The following LRRC69 variants were observed in gnomAD, a reference collection of about 807,000 sequenced individuals.
LRRC69 encodes leucine-rich repeat-containing protein 69.
In LRRC69, 42 loss-of-function variants were observed where a neutral mutation model predicts 37.8. That is an observed-to-expected ratio of 1.11 (90% CI 0.87 to 1.44). The LOEUF (loss-of-function observed/expected upper bound fraction) is 1.44, where lower values mean the gene tolerates loss of function less well. Ranked by LOEUF, LRRC69 falls within the 40% of genes most tolerant of loss-of-function variation. The pLI, the probability that LRRC69 is intolerant of heterozygous loss-of-function variation, is 0.00. For synonymous variants in LRRC69, 141 were observed against 143.1 expected (o/e 0.99, Z 0.11); for missense variants, 357 against 401.9 (o/e 0.89, Z 0.96).
chr8:91,200,258 A>G (rs1809689590), intron 6 of LRRC69, among the ~76,000 whole-genome samples: 1 of 152,242 alleles, frequency 6.6e-6, no homozygotes, highest in Non-Finnish European at 1.5e-5. Context: ...TTTTGAATCC[A>G]GTCTGAATGT....
intron 7 of LRRC69, among the ~76,000 whole-genome samples, chr8:91,213,944 A>G (rs1266395051): frequency 1.3e-5 from 2 of 152,158 alleles, no homozygotes; most frequent in Non-Finnish European, 2.9e-5. Flanking sequence ...AGATTAAGTA[A>G]GGGGTTTGAA....
intron 5 of LRRC69, among the ~76,000 whole-genome samples, chr8:91,147,861 A>G (rs1372177788): frequency 6.6e-6 from 1 of 151,516 alleles, no homozygotes; most frequent in African/African-American, 2.4e-5. Flanking sequence ...TTTTCTCCCC[A>G]CCTGGCCCCC....
intron 7 of LRRC69, among the ~76,000 whole-genome samples, chr8:91,215,656 A>G (rs1328238661): frequency 1.3e-5 from 2 of 152,220 alleles, no homozygotes; most frequent in Non-Finnish European, 1.5e-5. Flanking sequence ...AAATAAAAGC[A>G]TATATAATCA....
At chr8:91,181,749 A>G (rs1476595261) in intron 5 of LRRC69, among the ~76,000 whole-genome samples, 1 of 152,182 alleles carries the variant, frequency 6.6e-6, no homozygotes, top group Non-Finnish European at 1.5e-5. Flanking sequence ...TAGGAGAAAG[A>G]AGCAATTGAT....
intron 5 of LRRC69, among the ~76,000 whole-genome samples, chr8:91,184,946 G>A (rs549151553): frequency 4.5e-4 from 69 of 152,260 alleles, no homozygotes; most frequent in African/African-American, 1.6e-3. Context: ...TGAGGAGTGT[G>A]CATTTCATTT....
intron 6 of LRRC69, among the ~76,000 whole-genome samples, chr8:91,191,051 C>CG (rs1554595701): frequency 7.0e-6 from 1 of 143,024 alleles, no homozygotes; most frequent in African/African-American, 2.6e-5. Flanking sequence ...ACCCCCCCCC[C>CG]CCCAAGTCAA....
At chr8:91,102,661 C>A (rs1293761955), upstream of LRRC69, 4 of 1,548,500 alleles carry the variant, frequency 2.6e-6, no homozygotes, top group Non-Finnish European at 3.5e-6. Flanking sequence ...TTTCCAAGAT[C>A]ATGACTGAGA....
intron 5 of LRRC69, among the ~76,000 whole-genome samples, chr8:91,177,371 G>C (rs1220165266): frequency 4.6e-5 from 7 of 151,990 alleles, no homozygotes; most frequent in Non-Finnish European, 8.8e-5. Context: ...CATCTCATCT[G>C]ATTCTTAGAT....
intron 7 of LRRC69, among the ~76,000 whole-genome samples, chr8:91,203,565 G>T (rs908857239): frequency 2.5e-4 from 38 of 150,568 alleles, no homozygotes; most frequent in African/African-American, 8.3e-4. Context: ...GCTTTTTTTT[G>T]TGTGTGTATT....
At chr8:91,143,323 A>C (rs1808562282) in intron 5 of LRRC69, among the ~76,000 whole-genome samples, 1 of 152,124 alleles carries the variant, frequency 6.6e-6, no homozygotes, top group Non-Finnish European at 1.5e-5. Context: ...GTGTAGCTAA[A>C]ACATTTACAA....
chr8:91,197,455 C>T (rs536932592), intron 6 of LRRC69, among the ~76,000 whole-genome samples: 3,676 of 152,068 alleles, frequency 0.024, 72 homozygotes, highest in Non-Finnish European at 0.037. Context: ...GCTGCCGCCT[C>T]GCAGTTTGAT....
chr8:91,139,933 A>G (rs1213351017), intron 5 of LRRC69, among the ~76,000 whole-genome samples: 1 of 151,672 alleles, frequency 6.6e-6, no homozygotes, highest in Non-Finnish European at 1.5e-5. Flanking sequence ...TACTAAAAAT[A>G]CAAAATTAGC....
At chr8:91,165,553 T>C (rs1809012745) in intron 5 of LRRC69, among the ~76,000 whole-genome samples, 1 of 151,824 alleles carries the variant, frequency 6.6e-6, no homozygotes, top group African/African-American at 2.4e-5. Context: ...TAAAATAATC[T>C]GGTGGCAAGA....
At chr8:91,157,580 T>C (rs1808859614) in intron 5 of LRRC69, 2 of 1,541,260 alleles carry the variant, frequency 1.3e-6, no homozygotes, top group African/African-American at 2.7e-5. Context: ...ATCAGAATGT[T>C]TACAACTGCA....
chr8:91,194,924 A>G (rs1809568892), intron 6 of LRRC69, among the ~76,000 whole-genome samples: 1 of 151,752 alleles, frequency 6.6e-6, no homozygotes, highest in Admixed American at 6.6e-5. Flanking sequence ...TAGTTCTTTT[A>G]ATTGTGATGT....
intron 5 of LRRC69, among the ~76,000 whole-genome samples, chr8:91,179,529 G>T (rs1170910073): frequency 2.0e-5 from 3 of 152,162 alleles, no homozygotes; most frequent in African/African-American, 7.2e-5. Flanking sequence ...CAGAGACACA[G>T]ATTCATAACA....
At chr8:91,182,585 C>A (rs1466267254) in intron 5 of LRRC69, among the ~76,000 whole-genome samples, 3 of 152,126 alleles carry the variant, frequency 2.0e-5, no homozygotes, top group Non-Finnish European at 4.4e-5. Flanking sequence ...CTATGAGGAA[C>A]CTATAATTAT....
chr8:91,160,910 A>G (rs938987042), intron 5 of LRRC69, among the ~76,000 whole-genome samples: 2 of 151,162 alleles, frequency 1.3e-5, no homozygotes, highest in African/African-American at 4.8e-5. Flanking sequence ...TTCCATACTC[A>G]CTATGATTTT....
chr8:91,155,030 GGA>G (rs1808807998), intron 5 of LRRC69, among the ~76,000 whole-genome samples: 1 of 151,608 alleles, frequency 6.6e-6, no homozygotes, highest in African/African-American at 2.4e-5. Context: ...CAAAGTCTCA[GGA>G]TAGAAAATCA....
Sources: gnomAD v4.1 joint callset for allele counts (sites outside exome capture counted in the v4.1 genomes callset) on GRCh38, gnomAD v4.1.1 for gene constraint, MANE v1.5 for transcripts, NCBI Gene and HGNC (gene_info 2026-07-23, HGNC 2026-07-21) for gene names.